The following SUCO variants were observed in gnomAD, a reference collection of about 807,000 sequenced individuals.
SUCO encodes the protein SUN domain containing ossification factor.
Under a neutral mutation model 148.1 loss-of-function variants are expected in SUCO, and 57 were observed. The ratio of observed to expected loss-of-function variants is 0.38; its 90% CI spans 0.31 to 0.48. SUCO has a LOEUF of 0.48. Among genes scored for constraint, SUCO ranks in the 20% least tolerant of loss-of-function variants. SUCO has a pLI of 0.96. For missense variants in SUCO, 1,331 were observed against 1,468.2 expected, an observed-to-expected ratio of 0.91 and a Z score of 1.53; for synonymous variants, 470 against 502.7, an observed-to-expected ratio of 0.93 and a Z score of 0.87.
intron 1 of SUCO, among the ~76,000 whole-genome samples, chr1:172,551,260 T>C (rs964941649): frequency 2.0e-5 from 3 of 152,120 alleles, no homozygotes; most frequent in African/African-American, 7.2e-5. Flanking sequence ...ATACTGCTTC[T>C]GGTGAAGACT....
At chr1:172,581,552 C>T (rs1655884807) in intron 15 of SUCO, among the ~76,000 whole-genome samples, 1 of 152,078 alleles carries the variant, frequency 6.6e-6, no homozygotes, top group Non-Finnish European at 1.5e-5. Context: ...GCTATAGCCT[C>T]CAAGGTGGTA....
intron 1 of SUCO, chr1:172,544,260 G>A: frequency 1.6e-5 from 6 of 384,990 alleles, no homozygotes; most frequent in Non-Finnish European, 2.1e-5. Context: ...ACCACAAAGT[G>A]TTTTCTCATT....
intron 15 of SUCO, chr1:172,584,473 C>T (rs565383716): frequency 2.3e-5 from 10 of 432,778 alleles, no homozygotes; most frequent in Middle Eastern, 1.2e-3. Context: ...GGAAGTTTTA[C>T]AAGAAAAGTA....
chr1:172,585,178 T>A (rs1261409948), intron 16 of SUCO, 92 bp downstream of exon 16: 1 of 1,029,586 alleles, frequency 9.7e-7, no homozygotes, highest in Non-Finnish European at 1.4e-6. Context: ...GAAAATTTGA[T>A]TGTTTACATT....
Position 172,591,003 on chromosome 1 carries a change from G to T in SUCO, c.2845G>T (p.Glu949Ter). The T allele has an allele frequency of 6.2e-7, 1 of 1,611,642 alleles. No homozygotes were observed. Among genetic ancestry groups the T allele is most frequent in the South Asian group, 1.1e-5 (1 of 90,710 alleles). The change falls in exon 19 of 24, where the codon GAA becomes TAA. Residue 949 changes from glutamate to a stop codon, truncating the protein, a stop_gained. Transcript: ENST00000263688. LOFTEE classifies it high-confidence loss of function. ...TCATAGGTACCGAAAACAAATGGAAGAAATGCAAAAGGCTTTCAATAAAAC... is the reference window on the plus strand; with the variant it reads ...TCATAGGTACCGAAAACAAATGGAATAAATGCAAAAGGCTTTCAATAAAAC... Reference protein sequence around the residue: ...LSQRYRKQMEEMQKAFNKTIV... With the variant: ...LSQRYRKQME
At chr1:172,607,524 G>A (rs1004930269) in intron 22 of SUCO, among the ~76,000 whole-genome samples, 2 of 151,774 alleles carry the variant, frequency 1.3e-5, no homozygotes, top group Non-Finnish European at 2.9e-5. Context: ...CAGAACCAAA[G>A]TTCATATATT....
At chr1:172,570,365 T>A (rs1448698859) in intron 8 of SUCO, 194 bp downstream of exon 8, 1 of 484,032 alleles carries the variant, frequency 2.1e-6, no homozygotes, top group Non-Finnish European at 3.6e-6. Context: ...TTGCCCTGCA[T>A]TTTTTAACTT....
At chr1:172,577,873 A>G (rs1655568194) in intron 13 of SUCO, 54 bp downstream of exon 13, 2 of 1,356,578 alleles carry the variant, frequency 1.5e-6, no homozygotes, top group South Asian at 2.6e-5. Context: ...GATATACAAA[A>G]TTTTCGATAT....
chr1:172,572,837 G>C (rs573009449), intron 9 of SUCO, among the ~76,000 whole-genome samples: 2 of 151,356 alleles, frequency 1.3e-5, no homozygotes, highest in Non-Finnish European at 2.9e-5. Context: ...TGGAGCATTC[G>C]TTTATCTATA....
At chr1:172,563,825 C>T (rs766216792) in intron 6 of SUCO, among the ~76,000 whole-genome samples, 6 of 152,218 alleles carry the variant, frequency 3.9e-5, no homozygotes, top group Non-Finnish European at 5.9e-5. Context: ...ACCTTCATGG[C>T]AGCCCCTCCC....
intron 6 of SUCO, among the ~76,000 whole-genome samples, chr1:172,562,327 A>ATTTTTTTTTTTTTTTTTTTTTTTTT (rs34871543): frequency 2.2e-5 from 3 of 137,706 alleles, no homozygotes; most frequent in Non-Finnish European, 3.1e-5. Flanking sequence ...GGGTTTTAAC[A>ATTTTTTTTTTTTTTTTTTTTTTTTT]TTTTTTTTTT....
intron 6 of SUCO, among the ~76,000 whole-genome samples, chr1:172,564,794 A>G (rs1379163775): frequency 6.6e-6 from 1 of 152,170 alleles, no homozygotes; most frequent in Non-Finnish European, 1.5e-5. Context: ...TTGCAAAACA[A>G]AGAGAAAACA....
intron 16 of SUCO, among the ~76,000 whole-genome samples, chr1:172,585,651 A>G (rs569623313): frequency 6.6e-6 from 1 of 152,306 alleles, no homozygotes; most frequent in South Asian, 2.1e-4. Flanking sequence ...TGATTTAATT[A>G]TCTGAGAAAT....
chr1:172,600,609 C>T (rs551595305), intron 20 of SUCO, among the ~76,000 whole-genome samples: 2 of 151,930 alleles, frequency 1.3e-5, no homozygotes, highest in African/African-American at 2.4e-5. Context: ...ACAGGGTTTA[C>T]GTCCTGGGGG....
intron 17 of SUCO, chr1:172,588,037 A>C (rs894267925): frequency 2.7e-5 from 26 of 957,076 alleles, no homozygotes; most frequent in Non-Finnish European, 3.1e-5. Context: ...CACTGTTAGC[A>C]TATCATAAGC....
At chr1:172,548,386 A>G (rs1653023564) in intron 1 of SUCO, among the ~76,000 whole-genome samples, 1 of 151,306 alleles carries the variant, frequency 6.6e-6, no homozygotes. Flanking sequence ...GATTTTCTTA[A>G]TTTTCTTTGC....
chr1:172,592,722 C>G (rs183514243), intron 19 of SUCO, among the ~76,000 whole-genome samples: 10 of 152,166 alleles, frequency 6.6e-5, no homozygotes, highest in Admixed American at 3.3e-4. Flanking sequence ...ATGCCTCCAG[C>G]TTTGTTCTTT....
intron 22 of SUCO, chr1:172,608,367 GT>G (rs2149274884): frequency 4.5e-6 from 1 of 220,688 alleles, no homozygotes; most frequent in Admixed American, 5.9e-5. Flanking sequence ...TTTTAGGGAA[GT>G]ATTCAAATGA....
chr1:172,591,979 G>A (rs1656709337), intron 19 of SUCO, among the ~76,000 whole-genome samples: 1 of 152,176 alleles, frequency 6.6e-6, no homozygotes, highest in African/African-American at 2.4e-5. Context: ...ATTTTAACTG[G>A]TGTGAGATGG....
Sources: gnomAD v4.1 joint callset for allele counts (sites outside exome capture counted in the v4.1 genomes callset) on GRCh38, gnomAD v4.1.1 for gene constraint, MANE v1.5 for transcripts, NCBI Gene and HGNC (gene_info 2026-07-23, HGNC 2026-07-21) for gene names.